The following DLC1 variants were observed in gnomAD, a reference collection of about 807,000 sequenced individuals.
The protein encoded by DLC1 is rho GTPase-activating protein 7.
In DLC1, 54 loss-of-function variants were observed where a neutral mutation model predicts 140.3. The ratio of observed to expected loss-of-function variants is 0.38; its 90% confidence interval spans 0.31 to 0.48. The LOEUF is 0.48. Ranked by LOEUF, DLC1 falls within the 20% of genes least tolerant of loss-of-function variation. DLC1 has a pLI of 0.96. For synonymous variants in DLC1, 986 were observed against 728.1 expected (o/e 1.35, Z -5.70); for missense variants, 2,536 against 1,907.0 (o/e 1.33, Z -6.14).
rs144641463 is a variant in DLC1, at chr8:13,447,789, T to C, written c.1024-46170A>G. Among the ~76,000 whole-genome samples the C allele has an allele frequency of 2.5e-3, 379 of 152,330 alleles. 2 individuals are homozygous for C. Among genetic ancestry groups the C allele is most frequent in the African/African-American group, 8.7e-3 (360 of 41,582 alleles). On this transcript the variant is annotated intron_variant, in intron 2 of 17. Coordinates refer to ENST00000276297, the MANE Select transcript of DLC1 (RefSeq NM_182643.3). ...GTTGTTCTTTATTTTTATTGTTTGT[T>C]CTTTGTGTTTTTTTTCCTACCAGAT...
At chr8:13,132,603 G>T (rs1282536287) in intron 5 of DLC1, among the ~76,000 whole-genome samples, 1 of 151,982 alleles carries the variant, frequency 6.6e-6, no homozygotes, top group Non-Finnish European at 1.5e-5. Context: ...CGCCCCTCGA[G>T]CCAGAGCCGC....
intron 2 of DLC1, among the ~76,000 whole-genome samples, chr8:13,488,041 T>C (rs1200079063): frequency 1.3e-5 from 2 of 152,212 alleles, no homozygotes; most frequent in African/African-American, 4.8e-5. Flanking sequence ...GGCCAGTATG[T>C]GAGTAGAATA....
intron 4 of DLC1, among the ~76,000 whole-genome samples, chr8:13,364,975 G>T (rs369068594): frequency 1.8e-4 from 27 of 152,290 alleles, no homozygotes; most frequent in African/African-American, 6.0e-4. Context: ...TAAATTCTTG[G>T]TATGTTTGAG....
rs537866926 is a variant in DLC1 at position 13,549,566 on chromosome 8, A to G, written c.-125-49370T>C. 1.2e-4 allele frequency among the ~76,000 whole-genome samples: 18 copies of G among 152,284 alleles called. 1 individual carries two copies. The East Asian group carries it at 3.5e-3, about 29-fold the overall frequency. On this transcript the variant is annotated intron_variant, in intron 1 of 1. Transcript: ENST00000631382. The stretch of plus-strand genomic sequence containing the variant: ...CTAACACACATAACATAACTCATGT[A>G]TGTGACACAACGAATCCAAAAAAAG...
intron 6 of DLC1, among the ~76,000 whole-genome samples, chr8:13,115,125 T>C (rs1820440718): frequency 1.3e-5 from 2 of 152,204 alleles, no homozygotes; most frequent in South Asian, 2.1e-4. Context: ...TCTTGTGTAA[T>C]ACACAATGGT....
At chr8:13,468,341 C>CCCCTA (rs1800043046) in intron 2 of DLC1, among the ~76,000 whole-genome samples, 1 of 50,764 alleles carries the variant, frequency 2.0e-5, no homozygotes, top group Non-Finnish European at 3.9e-5. Context: ...TCCCCCCATT[C>CCCCTA]CCCTCCCCTC....
At chr8:13,553,559 T>C (rs7015006) in intron 1 of DLC1, among the ~76,000 whole-genome samples, 149,833 of 151,934 alleles carry the variant, frequency 0.99, 73,930 homozygotes, top group East Asian at 1. Context: ...ACTATGTTGC[T>C]CAAGCTGGTC....
At chr8:13,580,678 C>T (rs1038645563) in intron 1 of DLC1, among the ~76,000 whole-genome samples, 1 of 152,184 alleles carries the variant, frequency 6.6e-6, no homozygotes, top group Non-Finnish European at 1.5e-5. Context: ...AATGTCTCTT[C>T]TCTAAATAGG....
intron 2 of DLC1, among the ~76,000 whole-genome samples, chr8:13,497,578 A>C (rs993357207): frequency 6.6e-6 from 1 of 152,230 alleles, no homozygotes; most frequent in African/African-American, 2.4e-5. Flanking sequence ...CAGCATTCTT[A>C]GTATTGATAT....
intron 1 of DLC1, among the ~76,000 whole-genome samples, chr8:13,559,598 T>G (rs1230972532): frequency 1.3e-5 from 2 of 152,196 alleles, no homozygotes; most frequent in Non-Finnish European, 2.9e-5. Flanking sequence ...TAGTGAAAGC[T>G]AACATTGTAA....
chr8:13,357,738 T>C (rs1315643262), intron 4 of DLC1, among the ~76,000 whole-genome samples: 2 of 152,224 alleles, frequency 1.3e-5, no homozygotes, highest in African/African-American at 4.8e-5. Flanking sequence ...GTAGTTGAGA[T>C]ATGTTTGCAA....
At chr8:13,246,649 C>A (rs555322966) in intron 5 of DLC1, among the ~76,000 whole-genome samples, 3 of 151,686 alleles carry the variant, frequency 2.0e-5, no homozygotes, top group Non-Finnish European at 4.4e-5. Context: ...AGGTATAGTA[C>A]GACAAATGCT....
At chr8:13,296,681 C>T (rs1194455185) in intron 5 of DLC1, among the ~76,000 whole-genome samples, 3 of 151,954 alleles carry the variant, frequency 2.0e-5, no homozygotes, top group African/African-American at 7.3e-5. Context: ...TATCACATGG[C>T]ATGCGGGGTG....
intron 5 of DLC1, among the ~76,000 whole-genome samples, chr8:13,206,367 G>A (rs913758454): frequency 6.6e-6 from 1 of 152,066 alleles, no homozygotes; most frequent in African/African-American, 2.4e-5. Flanking sequence ...TCATGTAAAA[G>A]GTTTGGAATA....
chr8:13,093,404 A>G (rs1312689471), intron 12 of DLC1, among the ~76,000 whole-genome samples: 2 of 152,182 alleles, frequency 1.3e-5, no homozygotes, highest in Non-Finnish European at 2.9e-5. Context: ...GTTCAGTTCA[A>G]TTAATAAATA....
intron 1 of DLC1, among the ~76,000 whole-genome samples, chr8:13,546,578 C>A (rs1434213342): frequency 6.6e-6 from 1 of 152,140 alleles, no homozygotes; most frequent in Non-Finnish European, 1.5e-5. Flanking sequence ...GAATCACCAA[C>A]ATGTCATTCT....
intron 8 of DLC1, 40 bp from the exon 9 acceptor site, chr8:13,100,810 G>C (rs760602510): frequency 6.6e-7 from 1 of 1,519,688 alleles, no homozygotes; most frequent in Non-Finnish European, 8.8e-7. Flanking sequence ...ACTGGGGCTG[G>C]CAGCCAGCAG....
intron 4 of DLC1, among the ~76,000 whole-genome samples, chr8:13,376,237 C>G (rs894882243): frequency 6.6e-6 from 1 of 152,126 alleles, no homozygotes; most frequent in South Asian, 2.1e-4. Flanking sequence ...CCAGTAAACA[C>G]CATACAGCAA....
chr8:13,536,412 G>T (rs1234867838), intron 1 of DLC1, among the ~76,000 whole-genome samples: 1 of 152,180 alleles, frequency 6.6e-6, no homozygotes, highest in Admixed American at 6.5e-5. Context: ...AGAGTGGTAG[G>T]TGAAAGATGT....
Sources: gnomAD v4.1 joint callset for allele counts (sites outside exome capture counted in the v4.1 genomes callset) on GRCh38, gnomAD v4.1.1 for gene constraint, MANE v1.5 for transcripts, NCBI Gene and HGNC (gene_info 2026-07-23, HGNC 2026-07-21) for gene names.